Variants in CDHR1 observed in about 807,000 individuals in gnomAD.
The protein encoded by CDHR1 is cadherin related family member 1.
Under a neutral mutation model 72.1 loss-of-function variants are expected in CDHR1, and 61 were observed. The observed-to-expected ratio is 0.85, with a 90% CI of 0.69 to 1.05. The LOEUF is 1.05. Among genes scored for constraint, CDHR1 ranks in the 50% least tolerant of loss-of-function variants. CDHR1 has a pLI of 0.00. For synonymous variants in CDHR1, 470 were observed against 448.1 expected (o/e 1.05, Z -0.62); for missense variants, 1,186 against 1,115.7 (o/e 1.06, Z -0.90).
intron 1 of CDHR1, 67 bp downstream of exon 1, chr10:84,194,882 G>A: frequency 7.0e-7 from 1 of 1,431,462 alleles, no homozygotes; most frequent in Non-Finnish European, 9.5e-7. Flanking sequence ...CGTCACCCAG[G>A]TGGCCAGAGG....
intron 15 of CDHR1, 94 bp from the exon 16 acceptor site, chr10:84,212,997 C>A: frequency 6.7e-7 from 1 of 1,496,572 alleles, no homozygotes; most frequent in South Asian, 1.1e-5. Context: ...CATTTCCCAT[C>A]AACCCAGCAA....
Position 84,214,209 on chromosome 10 carries a change from CCTT to C in CDHR1, c.2171_2173del (p.Phe724del). 1.2e-6 allele frequency: 2 copies of C among 1,614,190 alleles called. No individual in the cohort carries two copies. The highest frequency in any genetic ancestry group is 2.2e-5 in the South Asian group (2 of 91,078). The stretch of plus-strand genomic sequence containing the variant: ...ATCACTGTCCTCATCTCCACCGCCA[CCTT>C]CTGGCGCAACAAGAAGTCTAACAAG... On this transcript the variant is annotated inframe_deletion, in exon 17 of 17. Coordinates refer to ENST00000623527, the MANE Select transcript of CDHR1 (RefSeq NM_033100.4).
At chr10:84,195,411 G>T (rs1012258099) in intron 1 of CDHR1, 83 bp from the exon 2 acceptor site, 2 of 1,299,422 alleles carry the variant, frequency 1.5e-6, no homozygotes, top group Admixed American at 3.9e-5. Flanking sequence ...GGCCTGACGC[G>T]GGACCGCGCT....
In CDHR1 at chr10:84,200,605, T is replaced by A; in HGVS notation, c.443T>A (p.Ile148Lys). ...EPYVALVPED[I>K]PAGSIIFKVH... ...CTGTGGCTGTGACCCCCTCAGGACA[T>A]ACCTGCTGGGAGCATCATCTTTAAG... The change falls in exon 6 of 17, where the codon ATA becomes AAA. Residue 148 changes from isoleucine to lysine, a missense_variant. Transcript: ENST00000623527. 6.2e-7 allele frequency: 1 copy of A among 1,609,702 alleles called. No individual in the cohort carries two copies. The highest frequency in any genetic ancestry group is 8.5e-7 in the Non-Finnish European group (1 of 1,177,896).
At chr10:84,219,097 A>AT, downstream of CDHR1, 1 of 1,205,470 alleles carries the variant, frequency 8.3e-7, no homozygotes, top group Non-Finnish European at 1.2e-6. Flanking sequence ...ACTAAGGTAC[A>AT]TGAAAAATAG....
chr10:84,200,146 G>A (rs1842096925), intron 5 of CDHR1, among the ~76,000 whole-genome samples: 1 of 147,666 alleles, frequency 6.8e-6, no homozygotes, highest in Non-Finnish European at 1.5e-5. Context: ...CTCCAACCTG[G>A]ATAACAAGGG....
At position 84,216,316 on chromosome 10, in the gene CDHR1, C is replaced by T; in HGVS notation, c.*1695C>T. On this transcript the variant is annotated 3_prime_UTR_variant, in exon 17 of 17. Coordinates refer to ENST00000623527, the MANE Select transcript of CDHR1 (RefSeq NM_033100.4). ...GTGTGCAGAATCCTTGCTGGGGTTTCTACAGTCCCCAACGTGAACAGTATT... is the reference window on the plus strand; with the variant it reads ...GTGTGCAGAATCCTTGCTGGGGTTTTTACAGTCCCCAACGTGAACAGTATT... 1 of 985,462 alleles carries T rather than the reference C, an allele frequency of 1.0e-6. No individual in the cohort carries two copies. Among genetic ancestry groups the T allele is most frequent in the African/African-American group, 1.7e-5 (1 of 57,354 alleles). The allele number at this position is 985,462 out of a possible 1,614,324, so 61.0% of individuals were successfully genotyped here. A position where few individuals can be genotyped will look rare whatever the true frequency, so the allele number is the denominator to read the frequency against.
chr10:84,194,850 T>G, intron 1 of CDHR1, 35 bp downstream of exon 1: 2 of 1,530,014 alleles, frequency 1.3e-6, no homozygotes, highest in Non-Finnish European at 1.7e-6. Flanking sequence ...GCCGCGTGGA[T>G]GGCGAGGGAG....
In CDHR1 at chr10:84,215,741, A is replaced by G; in HGVS notation, c.*1120A>G. ...GGGTGCAGCTCTTCCAGAAAGTATT[A>G]GGAGCCTCACATCTACTCTGCCAAG... On this transcript the variant is annotated 3_prime_UTR_variant, in exon 17 of 17. Coordinates refer to ENST00000623527, the MANE Select transcript of CDHR1 (RefSeq NM_033100.4). 1 of 985,460 alleles carries G rather than the reference A, an allele frequency of 1.0e-6. No homozygotes were observed. Among genetic ancestry groups the G allele is most frequent in the Non-Finnish European group, 1.2e-6 (1 of 829,956 alleles). The allele number at this position is 985,460 out of a possible 1,614,324, so 61.0% of individuals were successfully genotyped here.
In CDHR1 at chr10:84,217,540, G is replaced by T. The variant is rs1842444454; in HGVS notation, c.*2919G>T. ...GGCCTCACTTTCCTCATTAACACAGGGTGCAAAGTATGGTTGCAGAGAGGA... is the reference window on the plus strand; with the variant it reads ...GGCCTCACTTTCCTCATTAACACAGTGTGCAAAGTATGGTTGCAGAGAGGA... On this transcript the variant is annotated 3_prime_UTR_variant, in exon 17 of 17. Transcript: ENST00000623527. 4 of 978,714 alleles carry T rather than the reference G, an allele frequency of 4.1e-6. No homozygotes were observed. The highest frequency in any genetic ancestry group is 4.9e-6 in the Non-Finnish European group (4 of 823,886). The allele number at this position is 978,714 out of a possible 1,614,324, so 60.6% of individuals were successfully genotyped here. A position where few individuals can be genotyped will look rare whatever the true frequency, so the allele number is the denominator to read the frequency against.
At chr10:84,196,427 C>A (rs1476044399) in intron 2 of CDHR1, 78 bp from the exon 3 acceptor site, 2 of 1,480,198 alleles carry the variant, frequency 1.4e-6, no homozygotes, top group African/African-American at 1.4e-5. Context: ...ACAGCTGAAT[C>A]GTTGGTCCTG....
intron 5 of CDHR1, 68 bp downstream of exon 5, chr10:84,199,189 C>A: frequency 7.4e-7 from 1 of 1,344,672 alleles, no homozygotes; most frequent in Non-Finnish European, 1.0e-6. Flanking sequence ...TGGGGCTGCC[C>A]TGTGGCCTGG....
Position 84,216,881 on chromosome 10 carries a change from C to T in CDHR1, c.*2260C>T. 1.0e-6 allele frequency: 1 copy of T among 985,488 alleles called. No individual in the cohort carries two copies. Among genetic ancestry groups the T allele is most frequent in the Non-Finnish European group, 1.2e-6 (1 of 829,954 alleles). 61.0% of individuals were successfully genotyped at this position (985,488 alleles called of 1,614,324 possible). A position where few individuals can be genotyped will look rare whatever the true frequency, so the allele number is the denominator to read the frequency against. ...CAGGAATTGGGAGGCCTAGGGTGGG[C>T]ATGAAAGCTTGGGAAGCACTGTCGT... On this transcript the variant is annotated 3_prime_UTR_variant, in exon 17 of 17. Transcript: ENST00000623527.
downstream of CDHR1, chr10:84,218,995 G>A (rs1461531726): frequency 1.7e-6 from 1 of 592,278 alleles, no homozygotes; most frequent in African/African-American, 1.9e-5. Context: ...ATAATTACCA[G>A]AATAACCCTA....
chr10:84,202,645 C>G (rs7082282), intron 7 of CDHR1, among the ~76,000 whole-genome samples: 3,939 of 152,298 alleles, frequency 0.026, 160 homozygotes, highest in African/African-American at 0.088. Flanking sequence ...TCAGCACAGG[C>G]CAAGCACAGA....
At chr10:84,201,767 G>A (rs1476854189) in intron 6 of CDHR1, 40 bp from the exon 7 acceptor site, 2 of 1,537,446 alleles carry the variant, frequency 1.3e-6, no homozygotes, top group South Asian at 1.1e-5. Flanking sequence ...GGGCTGGCCT[G>A]CATTCTTGCT....
At position 84,218,261 on chromosome 10, in the gene CDHR1, A is replaced by G; in HGVS notation, c.*3640A>G. On this transcript the variant is annotated 3_prime_UTR_variant, in exon 17 of 17. Transcript: ENST00000623527. ...TTCTCTGAAGGGCCTAGTTTCCAGAATGAGGCGGTCATGGCTTAAGCGACC... is the reference window on the plus strand; with the variant it reads ...TTCTCTGAAGGGCCTAGTTTCCAGAGTGAGGCGGTCATGGCTTAAGCGACC... 2.0e-6 allele frequency: 2 copies of G among 985,462 alleles called. No individual in the cohort carries two copies. Among genetic ancestry groups the G allele is most frequent in the Non-Finnish European group, 2.4e-6 (2 of 829,940 alleles). 61.0% of individuals were successfully genotyped at this position (985,462 alleles called of 1,614,324 possible). A position where few individuals can be genotyped will look rare whatever the true frequency, so the allele number is the denominator to read the frequency against.
At position 84,199,697 on chromosome 10, in the gene CDHR1, A is replaced by G. The variant is rs1055215762; in HGVS notation, c.438+576A>G. ...ACTTCTGAGCATCAATTTGTTTTTC[A>G]TTAATTAGGATTCTTTCCTTAAGAT... On this transcript the variant is annotated intron_variant, in intron 5 of 16. Transcript: ENST00000623527. 6.6e-5 allele frequency among the ~76,000 whole-genome samples: 10 copies of G among 152,266 alleles called. No homozygotes were observed. In the South Asian group the frequency reaches 1.9e-3, roughly 28 times the overall value.
Position 84,214,734 on chromosome 10 carries a change from A to C in CDHR1, c.*113A>C. 1.9e-6 allele frequency: 3 copies of C among 1,576,912 alleles called. No homozygotes were observed. Among genetic ancestry groups the C allele is most frequent in the Non-Finnish European group, 2.6e-6 (3 of 1,169,296 alleles). On this transcript the variant is annotated 3_prime_UTR_variant, in exon 17 of 17. Coordinates refer to ENST00000623527, the MANE Select transcript of CDHR1 (RefSeq NM_033100.4). ...AAGGTCACTGACCCCTGTTTTGCAC[A>C]ATGGTATAATCCCCACTGTCCTCAT... is the stretch of plus-strand genomic sequence containing the variant.
Sources: allele counts gnomAD v4.1 joint callset (sites outside exome capture counted in the v4.1 genomes callset), GRCh38; gene constraint gnomAD v4.1.1; transcripts MANE v1.5; gene names NCBI Gene and HGNC (gene_info 2026-07-23, HGNC 2026-07-21).